Variants in RASA1 observed in about 807,000 individuals in gnomAD.
RASA1 encodes ras GTPase-activating protein 1.
In RASA1, 25 loss-of-function variants were observed where a neutral mutation model predicts 132.2. The ratio of observed to expected loss-of-function variants is 0.19; its 90% CI spans 0.14 to 0.26. The LOEUF is 0.26. Among genes scored for constraint, RASA1 ranks in the 10% least tolerant of loss-of-function variants. The pLI is 1.00. For synonymous variants in RASA1, 477 were observed against 449.9 expected (o/e 1.06, Z -0.76); for missense variants, 964 against 1,299.2 (o/e 0.74, Z 3.97).
chr5:87,273,087 T>C (rs970135542), intron 1 of RASA1, among the ~76,000 whole-genome samples: 5 of 152,290 alleles, frequency 3.3e-5, no homozygotes, highest in Middle Eastern at 6.8e-3. Flanking sequence ...TTCAACTTTG[T>C]TCCCAGTTTT....
At chr5:87,367,299 AAATG>A (rs1305831247) in intron 11 of RASA1, among the ~76,000 whole-genome samples, 1 of 152,230 alleles carries the variant, frequency 6.6e-6, no homozygotes, top group African/African-American at 2.4e-5. Flanking sequence ...GGGAAATTAT[AAATG>A]AATGTTAATA....
rs547618387 is a variant in RASA1, at chr5:87,391,813, C to G, written c.*930C>G. 4.3e-6 allele frequency: 1 copy of G among 231,760 alleles called. No individual in the cohort carries two copies. Among genetic ancestry groups the G allele is most frequent in the South Asian group, 1.8e-4 (1 of 5,548 alleles). The allele number at this position is 231,760 out of a possible 1,614,324, so 14.4% of individuals were successfully genotyped here. On this transcript the variant is annotated 3_prime_UTR_variant, in exon 25 of 25. Coordinates refer to ENST00000274376, the MANE Select transcript of RASA1 (RefSeq NM_002890.3). The stretch of plus-strand genomic sequence containing the variant: ...AACTTCTGACTACTTGTTGTATCTG[C>G]TGGATATTTAGTTCAACTGTATAGT...
chr5:87,368,788 C>T (rs534624840), intron 11 of RASA1, among the ~76,000 whole-genome samples: 2 of 152,266 alleles, frequency 1.3e-5, no homozygotes, highest in South Asian at 2.1e-4. Flanking sequence ...CTGCCTTGAA[C>T]GGAAAAGATG....
rs145638178 is a variant in RASA1, at chr5:87,374,132, AATATAT to A, written c.1777-20_1777-15del. ...TAGTGCAATTCTAGAAATCTGGGGT[AATATAT>A]ATATATATATTTTTTTTTTTTTAGG... On this transcript the variant is annotated intron_variant, in intron 13 of 24. Transcript: ENST00000274376. The A allele has an allele frequency of 2.3e-5, 28 of 1,211,384 alleles. No individual in the cohort carries two copies. The African/African-American group carries it at 4.5e-4, about 20-fold the overall frequency. The allele number at this position is 1,211,384 out of a possible 1,614,324, so 75.0% of individuals were successfully genotyped here. A position where few individuals can be genotyped will look rare whatever the true frequency, so the allele number is the denominator to read the frequency against.
chr5:87,363,500 G>T lies in RASA1; in HGVS notation c.1606G>T (p.Gly536Cys). 1.2e-6 allele frequency: 2 copies of T among 1,610,906 alleles called. No homozygotes were observed. Among genetic ancestry groups the T allele is most frequent in the South Asian group, 2.2e-5 (2 of 90,990 alleles). Residue 536 changes from glycine (G) to cysteine (C), a missense_variant, in exon 11 of 25, where the codon GGC becomes TGC. Gly to Cys is a radical substitution (Grantham distance 159). This residue lies in a region of RASA1 where 346 missense variants were observed against 520.1 expected (regional missense o/e 0.67). Transcript: ENST00000274376. The part of the protein sequence containing the change: ...SVYVVHDSLF[G>C]RPNCFQIVVQ... ...CTATGTCGTTCATGATAGTCTCTTTGGCAGGTAAGAGACTGGTTTCCTATT... is the reference window on the plus strand; with the variant it reads ...CTATGTCGTTCATGATAGTCTCTTTTGCAGGTAAGAGACTGGTTTCCTATT...
intron 9 of RASA1, among the ~76,000 whole-genome samples, chr5:87,359,242 A>T (rs886176203): frequency 3.3e-5 from 5 of 152,188 alleles, no homozygotes; most frequent in Non-Finnish European, 7.3e-5. Flanking sequence ...GAGCTTACAC[A>T]TGTAACTTCT....
At chr5:87,344,126 A>G (rs1017710776) in intron 6 of RASA1, among the ~76,000 whole-genome samples, 3 of 152,170 alleles carry the variant, frequency 2.0e-5, no homozygotes, top group Non-Finnish European at 4.4e-5. Context: ...AAATACATCT[A>G]GATAGAATGA....
intron 20 of RASA1, among the ~76,000 whole-genome samples, chr5:87,381,949 A>G (rs1356553263): frequency 1.3e-5 from 2 of 152,150 alleles, no homozygotes; most frequent in Middle Eastern, 3.2e-3. Context: ...CCAAAATTAA[A>G]GACTTAATTG....
At chr5:87,307,832 G>T (rs529189250) in intron 1 of RASA1, among the ~76,000 whole-genome samples, 3 of 151,852 alleles carry the variant, frequency 2.0e-5, no homozygotes, top group Non-Finnish European at 4.4e-5. Flanking sequence ...CTCTCGGCGT[G>T]CGTTACATTT....
chr5:87,284,178 T>G lies in RASA1; in HGVS notation c.539+15188T>G, dbSNP rs1299099680. 2.6e-5 allele frequency among the ~76,000 whole-genome samples: 4 copies of G among 152,162 alleles called. No homozygotes were observed. The East Asian group carries it at 7.7e-4, about 29-fold the overall frequency. On this transcript the variant is annotated intron_variant, in intron 1 of 24. Transcript: ENST00000274376. ...GAGGACCTATTCTATGTTGTTTTCT[T>G]AAGGCTGCAGTTTCTAAGAACCTAT... is the stretch of plus-strand genomic sequence containing the variant.
At chr5:87,381,116 CATT>C (rs1761685001) in intron 20 of RASA1, among the ~76,000 whole-genome samples, 2 of 152,078 alleles carry the variant, frequency 1.3e-5, no homozygotes, top group Admixed American at 1.3e-4. Context: ...ACTTCATTAT[CATT>C]ATTCTATAGG....
intron 9 of RASA1, among the ~76,000 whole-genome samples, chr5:87,359,170 TA>T (rs2112447289): frequency 6.6e-6 from 1 of 152,292 alleles, no homozygotes; most frequent in African/African-American, 2.4e-5. Flanking sequence ...ATTAATATAT[TA>T]AATGGCGTTT....
chr5:87,341,336 A>G lies in RASA1; in HGVS notation c.1049+15A>G. 2.3e-6 allele frequency: 3 copies of G among 1,295,500 alleles called. No individual in the cohort carries two copies. The highest frequency in any genetic ancestry group is 2.9e-6 in the Non-Finnish European group (3 of 1,024,788). The allele number at this position is 1,295,500 out of a possible 1,614,324, so 80.3% of individuals were successfully genotyped here. On this transcript the variant is annotated intron_variant, in intron 6 of 24. Transcript: ENST00000274376. Reference sequence around the variant, plus strand: ...GAAGGAAAAATGTGAGTTTGTGTTAATTATTAAAATGAAAAAAAAAATCTA... The same window carrying G: ...GAAGGAAAAATGTGAGTTTGTGTTAGTTATTAAAATGAAAAAAAAAATCTA...
At chr5:87,338,536 A>ATATATATATATATATATTTTTTT in intron 5 of RASA1, among the ~76,000 whole-genome samples, 1 of 85,220 alleles carries the variant, frequency 1.2e-5, no homozygotes, top group African/African-American at 4.4e-5. Context: ...TATATATAAA[A>ATATATATATATATATATTTTTTT]TTTTTTTTTT....
intron 1 of RASA1, among the ~76,000 whole-genome samples, chr5:87,305,321 AT>A (rs1417131163): frequency 6.6e-6 from 1 of 152,146 alleles, no homozygotes; most frequent in South Asian, 2.1e-4. Context: ...ATGGAACGGA[AT>A]AGAGAACCTG....
intron 1 of RASA1, among the ~76,000 whole-genome samples, chr5:87,287,452 T>TAC (rs1366597828): frequency 2.1e-5 from 3 of 146,150 alleles, no homozygotes; most frequent in Non-Finnish European, 3.0e-5. Context: ...ACACCATATA[T>TAC]ATACCATATA....
chr5:87,341,306 C>T lies in RASA1; in HGVS notation c.1034C>T (p.Pro345Leu). ...TCCCTTTAGGGCCGGGAAGAAGATC[C>T]ACATGAAGGAAAAATGTGAGTTTGT... is the stretch of plus-strand genomic sequence containing the variant. Reference protein sequence around the residue: ...LVEEVGREEDPHEGKIWFHGK... With the variant: ...LVEEVGREEDLHEGKIWFHGK... Residue 345 changes from proline to leucine, a missense_variant, in exon 6 of 25, where the codon CCA (proline) becomes CTA (leucine). Coordinates refer to ENST00000274376, the MANE Select transcript of RASA1 (RefSeq NM_002890.3). 1 of 1,349,492 alleles carries T rather than the reference C, an allele frequency of 7.4e-7. No individual in the cohort carries two copies. Among genetic ancestry groups the T allele is most frequent in the Non-Finnish European group, 9.6e-7 (1 of 1,042,730 alleles). 83.6% of individuals were successfully genotyped at this position (1,349,492 alleles called of 1,614,324 possible). A position where few individuals can be genotyped will look rare whatever the true frequency, so the allele number is the denominator to read the frequency against.
intron 14 of RASA1, 47 bp downstream of exon 14, chr5:87,374,367 T>C: frequency 6.5e-7 from 1 of 1,545,838 alleles, no homozygotes; most frequent in Non-Finnish European, 8.8e-7. Flanking sequence ...TTTACCATAT[T>C]GCATTTCTTT....
intron 1 of RASA1, among the ~76,000 whole-genome samples, chr5:87,286,994 CAT>C (rs1435457205): frequency 4.9e-5 from 7 of 143,772 alleles, no homozygotes; most frequent in African/African-American, 1.8e-4. Context: ...ATATACACAC[CAT>C]ATATATACCA....
Sources: allele counts gnomAD v4.1 joint callset (sites outside exome capture counted in the v4.1 genomes callset), GRCh38; gene constraint gnomAD v4.1.1; regional missense constraint gnomAD v4.1.1; transcripts MANE v1.5; gene names NCBI Gene and HGNC (gene_info 2026-07-23, HGNC 2026-07-21).